Variants in SNX29 observed in about 807,000 individuals in gnomAD.
The protein encoded by SNX29 is sorting nexin 29, also known as sorting nexin-29.
SNX29 carries 78 observed loss-of-function variants against 102.1 expected under a neutral mutation model. The observed-to-expected ratio is 0.76, with a 90% CI of 0.64 to 0.92. The LOEUF (loss-of-function observed/expected upper bound fraction) is 0.92, where lower values mean the gene tolerates loss of function less well. Ranked by LOEUF, SNX29 falls within the 40% of genes least tolerant of loss-of-function variation. The pLI is 0.00. For synonymous variants in SNX29, 580 were observed against 414.5 expected (o/e 1.40, Z -4.85); for missense variants, 1,280 against 1,061.7 (o/e 1.21, Z -2.86).
At chr16:12,177,816 G>A (rs2076293959) in intron 13 of SNX29, among the ~76,000 whole-genome samples, 1 of 152,174 alleles carries the variant, frequency 6.6e-6, no homozygotes, top group African/African-American at 2.4e-5. Context: ...GCTGTGGGCG[G>A]GGTGCTGGTC....
At chr16:12,066,361 C>G (rs1414044553) in intron 9 of SNX29, among the ~76,000 whole-genome samples, 1 of 152,066 alleles carries the variant, frequency 6.6e-6, no homozygotes, top group Non-Finnish European at 1.5e-5. Context: ...CTTGGATCCC[C>G]CTGGCTCTGT....
intron 16 of SNX29, among the ~76,000 whole-genome samples, chr16:12,397,524 G>T (rs185532330): frequency 6.6e-6 from 1 of 152,272 alleles, no homozygotes; most frequent in Non-Finnish European, 1.5e-5. Flanking sequence ...TGTAAATTCA[G>T]TGTTCTCTTT....
intron 20 of SNX29, among the ~76,000 whole-genome samples, chr16:12,547,277 G>A (rs1423600056): frequency 3.3e-5 from 5 of 152,168 alleles, no homozygotes; most frequent in South Asian, 2.1e-4. Context: ...TTGAAGAGTT[G>A]GCCCCTGGGA....
chr16:12,063,712 C>T (rs1236892561), intron 9 of SNX29, among the ~76,000 whole-genome samples: 1 of 151,872 alleles, frequency 6.6e-6, no homozygotes, highest in Admixed American at 6.6e-5. Flanking sequence ...TGTTCATTCT[C>T]ATGCCCTCCT....
rs556464036 is a variant in SNX29 at position 12,519,762 on chromosome 16, G to T, written c.2179-4940G>T. ...CCAGCACTTTGGGAGGCCGAGGCAG[G>T]TGGATCACCTGAGGGCAGGAGTATC... On this transcript the variant is annotated intron_variant, in intron 19 of 20. Coordinates refer to ENST00000566228, the MANE Select transcript of SNX29 (RefSeq NM_032167.5). Among the ~76,000 whole-genome samples the T allele has an allele frequency of 2.0e-5, 3 of 152,278 alleles. No homozygotes were observed. In the South Asian group the frequency reaches 6.2e-4, roughly 32 times the overall value.
chr16:12,447,625 A>C (rs986367982), intron 18 of SNX29, among the ~76,000 whole-genome samples: 1 of 152,214 alleles, frequency 6.6e-6, no homozygotes, highest in African/African-American at 2.4e-5. Flanking sequence ...TGAGACCCGA[A>C]TGGTGGAAAC....
At chr16:12,177,108 C>T (rs538484572) in intron 13 of SNX29, among the ~76,000 whole-genome samples, 8 of 152,114 alleles carry the variant, frequency 5.3e-5, no homozygotes, top group African/African-American at 1.7e-4. Context: ...CCACTACACC[C>T]GGCTAATCAT....
intron 13 of SNX29, among the ~76,000 whole-genome samples, chr16:12,187,546 TAAA>T (rs759490798): frequency 7.0e-6 from 1 of 141,986 alleles, no homozygotes; most frequent in African/African-American, 2.6e-5. Context: ...AGACTCTGTT[TAAA>T]AAAAAAAAAA....
intron 11 of SNX29, among the ~76,000 whole-genome samples, chr16:12,116,041 G>C (rs1024818085): frequency 6.6e-6 from 1 of 152,216 alleles, no homozygotes; most frequent in Non-Finnish European, 1.5e-5. Flanking sequence ...ACCGTGCCAG[G>C]TGATGGAGAC....
intron 17 of SNX29, among the ~76,000 whole-genome samples, chr16:12,400,543 C>T (rs35026468): frequency 0.17 from 25,910 of 152,128 alleles, 2,467 homozygotes; most frequent in Middle Eastern, 0.24. Context: ...TCAACTTGGC[C>T]AACTCTAAAT....
intron 14 of SNX29, among the ~76,000 whole-genome samples, chr16:12,276,884 C>G (rs1033181659): frequency 6.6e-6 from 1 of 152,186 alleles, no homozygotes; most frequent in Non-Finnish European, 1.5e-5. Flanking sequence ...GAGCCAGTCT[C>G]TTTAACATGT....
At position 12,043,090 on chromosome 16, in the gene SNX29, G is replaced by C. The variant is rs1354662125; in HGVS notation, c.428+13G>C. The C allele has an allele frequency of 6.2e-7, 1 of 1,612,416 alleles. No homozygotes were observed. The highest frequency in any genetic ancestry group is 1.7e-5 in the Admixed American group (1 of 59,936). ...GCTGCAGGCTGAGGTACGTGGCCGGGATGCGAACTGGGATGGGATGGAGCA... is the reference window on the plus strand; with the variant it reads ...GCTGCAGGCTGAGGTACGTGGCCGGCATGCGAACTGGGATGGGATGGAGCA... On this transcript the variant is annotated intron_variant, in intron 5 of 20. Coordinates refer to ENST00000566228, the MANE Select transcript of SNX29 (RefSeq NM_032167.5).
At position 12,550,722 on chromosome 16, in the gene SNX29, C is replaced by G. The variant is rs192221767; in HGVS notation, c.2319-17784C>G. ...CCCCCTCATGCTCTTATTCTACACT[C>G]CTGTGTTGCCTATTTAAAAAAGGTG... On this transcript the variant is annotated intron_variant, in intron 20 of 20. Transcript: ENST00000566228. 2.6e-3 allele frequency among the ~76,000 whole-genome samples: 396 copies of G among 152,254 alleles called. 3 individuals are homozygous for G. The highest frequency in any genetic ancestry group is 8.9e-3 in the African/African-American group (369 of 41,540).
chr16:12,438,133 A>C (rs2085621279), intron 18 of SNX29, among the ~76,000 whole-genome samples: 2 of 151,194 alleles, frequency 1.3e-5, no homozygotes, highest in East Asian at 3.9e-4. Context: ...AGGAGTGGGG[A>C]GGTGAGGGGG....
intron 20 of SNX29, among the ~76,000 whole-genome samples, chr16:12,559,716 A>T (rs1005986963): frequency 3.3e-5 from 5 of 152,120 alleles, no homozygotes; most frequent in African/African-American, 1.2e-4. Context: ...CCATGGTGAG[A>T]ACACCAAGAA....
chr16:12,528,165 A>G (rs975459098), intron 20 of SNX29, among the ~76,000 whole-genome samples: 4 of 151,926 alleles, frequency 2.6e-5, no homozygotes, highest in African/African-American at 9.7e-5. Context: ...GCCAACATCA[A>G]AAAATTAGAA....
intron 3 of SNX29, among the ~76,000 whole-genome samples, chr16:12,016,192 A>G (rs565677166): frequency 1.5e-4 from 23 of 152,322 alleles, no homozygotes; most frequent in African/African-American, 5.5e-4. Flanking sequence ...AAAAGGCTAC[A>G]TTGCATTGCA....
At chr16:12,549,253 T>TG (rs1322792933) in intron 20 of SNX29, among the ~76,000 whole-genome samples, 1 of 152,158 alleles carries the variant, frequency 6.6e-6, no homozygotes, top group African/African-American at 2.4e-5. Context: ...CCCAGCACTT[T>TG]GGGAGGCTGA....
intron 13 of SNX29, among the ~76,000 whole-genome samples, chr16:12,134,738 T>C (rs543056264): frequency 2.0e-5 from 3 of 152,224 alleles, no homozygotes; most frequent in Non-Finnish European, 2.9e-5. Context: ...CAGGGGTCAC[T>C]GAGGCCACCT....
Sources: allele counts gnomAD v4.1 joint callset (sites outside exome capture counted in the v4.1 genomes callset), GRCh38; gene constraint gnomAD v4.1.1; transcripts MANE v1.5; gene names NCBI Gene and HGNC (gene_info 2026-07-23, HGNC 2026-07-21).